Variants in TENM2 observed in about 807,000 individuals in gnomAD.
The protein encoded by TENM2 is teneurin-2.
TENM2 carries 52 observed loss-of-function variants against 245.2 expected under a neutral mutation model. The observed-to-expected ratio is 0.21, with a 90% CI of 0.17 to 0.27. The LOEUF (loss-of-function observed/expected upper bound fraction) is 0.27. Among genes scored for constraint, TENM2 ranks in the 10% least tolerant of loss-of-function variants. TENM2 has a pLI of 1.00. For missense variants in TENM2, 3,046 were observed against 3,666.8 expected (o/e 0.83, Z 4.37); for synonymous variants, 1,363 against 1,438.9 (o/e 0.95, Z 1.19).
chr5:168,034,047 G>C (rs202230911), intron 5 of TENM2, among the ~76,000 whole-genome samples: 1 of 133,346 alleles, frequency 7.5e-6, no homozygotes, highest in African/African-American at 3.0e-5. Flanking sequence ...ATATATGTGT[G>C]TGTATATATA....
At chr5:167,357,883 A>G (rs1019258321) in intron 1 of TENM2, among the ~76,000 whole-genome samples, 2 of 152,130 alleles carry the variant, frequency 1.3e-5, no homozygotes, top group Non-Finnish European at 2.9e-5. Flanking sequence ...TTTCGAAACC[A>G]CATCTACCAT....
At chr5:167,873,472 A>G (rs1053943668) in intron 2 of TENM2, among the ~76,000 whole-genome samples, 1 of 152,016 alleles carries the variant, frequency 6.6e-6, no homozygotes, top group Non-Finnish European at 1.5e-5. Flanking sequence ...CTGCTTAACT[A>G]TCTGTGCGGT....
At chr5:167,799,762 G>C (rs992835880) in intron 2 of TENM2, among the ~76,000 whole-genome samples, 1 of 152,144 alleles carries the variant, frequency 6.6e-6, no homozygotes, top group African/African-American at 2.4e-5. Context: ...GTCCCTAAAG[G>C]CAAGATCAAA....
At chr5:167,037,679 G>A in the TENM2 span, among the ~76,000 whole-genome samples, 1 of 152,080 alleles carries the variant, frequency 6.6e-6, no homozygotes, top group Non-Finnish European at 1.5e-5. Context: ...ACCCCAAGAT[G>A]ACCACTTACC....
At chr5:167,301,287 G>A (rs961372462) in intron 1 of TENM2, among the ~76,000 whole-genome samples, 5 of 152,220 alleles carry the variant, frequency 3.3e-5, no homozygotes, top group Non-Finnish European at 7.3e-5. Flanking sequence ...ATGGGACATG[G>A]CTTAGGAGGA....
chr5:167,166,092 T>G, the TENM2 span, among the ~76,000 whole-genome samples: 1 of 152,178 alleles, frequency 6.6e-6, no homozygotes, highest in South Asian at 2.1e-4. Flanking sequence ...AGGGAAAGCT[T>G]TTGTGAATGA....
chr5:167,381,845 G>A (rs965111005), intron 2 of TENM2, among the ~76,000 whole-genome samples: 1 of 152,108 alleles, frequency 6.6e-6, no homozygotes, highest in African/African-American at 2.4e-5. Context: ...TGGTAAGTTT[G>A]CTCCATCTGC....
intron 2 of TENM2, among the ~76,000 whole-genome samples, chr5:167,727,413 TC>T (rs1760102183): frequency 6.6e-6 from 1 of 152,132 alleles, no homozygotes; most frequent in African/African-American, 2.4e-5. Flanking sequence ...TGCCCGGCCA[TC>T]CGTTAATTTC....
rs1437706913 is a variant in TENM2 at position 167,307,391 on chromosome 5, AAAAT to A, written c.226+22332_226+22335del. Among the ~76,000 whole-genome samples, 5 of 152,302 alleles carry A rather than the reference AAAAT, an allele frequency of 3.3e-5. No individual in the cohort carries two copies. In the East Asian group the frequency reaches 7.7e-4, roughly 24 times the overall value. On this transcript the variant is annotated intron_variant, in intron 1 of 28. Transcript: ENST00000518659. ...AGGATTAAAACACCTTAGCAGGAGA[AAAAT>A]AAAGGGAGGGATACAAATGGTGTGT...
intron 3 of TENM2, among the ~76,000 whole-genome samples, chr5:167,950,470 G>A (rs900661533): frequency 4.6e-5 from 7 of 152,070 alleles, no homozygotes; most frequent in African/African-American, 1.7e-4. Flanking sequence ...AGGGTGGGGG[G>A]CCAGGACAGA....
At chr5:167,405,503 A>G (rs939210977) in intron 2 of TENM2, among the ~76,000 whole-genome samples, 2 of 152,086 alleles carry the variant, frequency 1.3e-5, no homozygotes, top group Non-Finnish European at 2.9e-5. Flanking sequence ...ATCACATAAT[A>G]TGAGCCTTCC....
At chr5:167,649,149 GATTAATGCT>G (rs1456705255) in intron 2 of TENM2, among the ~76,000 whole-genome samples, 2 of 152,116 alleles carry the variant, frequency 1.3e-5, no homozygotes, top group African/African-American at 2.4e-5. Flanking sequence ...AGCAACACCT[GATTAATGCT>G]ACCATGAACT....
At chr5:167,381,822 A>C (rs1561910703) in intron 2 of TENM2, among the ~76,000 whole-genome samples, 2 of 152,188 alleles carry the variant, frequency 1.3e-5, no homozygotes, top group African/African-American at 4.8e-5. Flanking sequence ...CAGAGCTAGA[A>C]TGTTACTTCT....
At chr5:167,750,739 G>T (rs1333795104) in intron 2 of TENM2, among the ~76,000 whole-genome samples, 2 of 151,998 alleles carry the variant, frequency 1.3e-5, no homozygotes, top group African/African-American at 4.8e-5. Flanking sequence ...AAATGATGTG[G>T]GTAGCTGATT....
intron 19 of TENM2, among the ~76,000 whole-genome samples, chr5:168,206,778 G>A (rs956455473): frequency 1.1e-4 from 16 of 152,284 alleles, no homozygotes; most frequent in African/African-American, 3.9e-4. Flanking sequence ...AGACAGGGTA[G>A]GGTGGAGGTA....
At chr5:167,463,441 T>C (rs750589189) in intron 2 of TENM2, among the ~76,000 whole-genome samples, 53 of 152,336 alleles carry the variant, frequency 3.5e-4, no homozygotes, top group Non-Finnish European at 6.3e-4. Flanking sequence ...AAACAAGTTA[T>C]GTCTTTTCAG....
the TENM2 span, among the ~76,000 whole-genome samples, chr5:167,098,447 G>A: frequency 1.4e-4 from 21 of 152,114 alleles, no homozygotes; most frequent in African/African-American, 4.1e-4. Flanking sequence ...GGGATCCAGC[G>A]TTGCAGATTT....
rs1554157698 is a variant in TENM2 at position 167,452,931 on chromosome 5, T to TA, written c.502+77458_502+77459insA. On this transcript the variant is annotated intron_variant, in intron 2 of 28. Coordinates refer to ENST00000518659, the Ensembl canonical transcript of TENM2. ...TGTACCCTAGAACTTAAAGTATGAT[T>TA]TATATATATATATATATATATATAT... Among the ~76,000 whole-genome samples the TA allele has an allele frequency of 4.1e-3, 20 of 4,872 alleles. 2 individuals carry two copies. Among genetic ancestry groups the TA allele is most frequent in the Admixed American group, 9.7e-3 (2 of 206 alleles). The allele number at this position is 4,872 out of a possible 152,430, so 3.2% of individuals were successfully genotyped here. A position where few individuals can be genotyped will look rare whatever the true frequency, so the allele number is the denominator to read the frequency against.
At chr5:168,231,105 A>G (rs1486338684) in intron 25 of TENM2, 5 of 152,246 alleles carry the variant, frequency 3.3e-5, no homozygotes, top group Non-Finnish European at 7.3e-5. Context: ...CTTAATAAGC[A>G]GGCCTGGATA....
Sources: allele counts gnomAD v4.1 joint callset (sites outside exome capture counted in the v4.1 genomes callset), GRCh38; gene constraint gnomAD v4.1.1; transcripts MANE v1.5; gene names NCBI Gene and HGNC (gene_info 2026-07-23, HGNC 2026-07-21).